QRICH1: variants seen among roughly 807,000 people sequenced by gnomAD.
QRICH1 encodes glutamine rich 1, also known as transcriptional regulator QRICH1.
In QRICH1, 16 loss-of-function variants were observed where a neutral mutation model predicts 87.1. The ratio of observed to expected loss-of-function variants is 0.18; its 90% CI spans 0.12 to 0.28. QRICH1 has a LOEUF of 0.28. QRICH1 is among the 10% of genes least tolerant of loss of function. The pLI is 1.00. For synonymous variants in QRICH1, 367 were observed against 368.4 expected, an observed-to-expected ratio of 1.00 and a Z score of 0.05; for missense variants, 647 against 951.7, an observed-to-expected ratio of 0.68 and a Z score of 4.21.
chr3:49,059,523 T>G (rs1197291693), intron 2 of QRICH1, among the ~76,000 whole-genome samples: 3 of 148,278 alleles, frequency 2.0e-5, no homozygotes, highest in Non-Finnish European at 4.5e-5. Context: ...GGGTTCAAGC[T>G]ATTCTCCTGC....
chr3:49,032,530 C>T, intron 8 of QRICH1, 92 bp downstream of exon 8: 1 of 1,436,788 alleles, frequency 7.0e-7, no homozygotes, highest in East Asian at 2.3e-5. Flanking sequence ...AAATCCCAAC[C>T]TTTACACTTA....
chr3:49,032,132 G>A (rs775217340), intron 9 of QRICH1, 51 bp downstream of exon 9: 20 of 1,375,564 alleles, frequency 1.5e-5, no homozygotes, highest in Non-Finnish European at 1.7e-5. Context: ...GCATGCACAC[G>A]CATACACACA....
chr3:49,047,671 C>T (rs1016184337), intron 3 of QRICH1, among the ~76,000 whole-genome samples: 18 of 151,890 alleles, frequency 1.2e-4, no homozygotes, highest in South Asian at 2.1e-4. Context: ...TTAGTCGAGA[C>T]GGAGTTTCGC....
intron 6 of QRICH1, among the ~76,000 whole-genome samples, chr3:49,040,589 T>C (rs998930876): frequency 1.3e-5 from 2 of 152,258 alleles, no homozygotes; most frequent in Non-Finnish European, 2.9e-5. Flanking sequence ...GGGCACATAG[T>C]AGGCACTCAA....
At chr3:49,086,254 T>C (rs2042164281) in intron 1 of QRICH1, among the ~76,000 whole-genome samples, 1 of 149,200 alleles carries the variant, frequency 6.7e-6, no homozygotes, top group Non-Finnish European at 1.5e-5. Flanking sequence ...TCCCTCTTTT[T>C]CTTTTTCTTT....
intron 6 of QRICH1, chr3:49,033,487 C>T (rs1341792690): frequency 6.4e-6 from 2 of 313,736 alleles, no homozygotes; most frequent in African/African-American, 2.1e-5. Context: ...ATTGTTGTTA[C>T]CCTCTAATCC....
intron 2 of QRICH1, among the ~76,000 whole-genome samples, chr3:49,072,188 G>A (rs935136494): frequency 2.6e-5 from 4 of 152,006 alleles, no homozygotes; most frequent in East Asian, 1.9e-4. Context: ...AAAATTAGTC[G>A]GGCGTGCTAG....
intron 3 of QRICH1, among the ~76,000 whole-genome samples, chr3:49,053,498 A>AAG (rs1553742898): frequency 1.3e-5 from 2 of 151,246 alleles, no homozygotes; most frequent in East Asian, 3.9e-4. Context: ...AAAAAAAAAA[A>AAG]AAAAAAACAA....
Position 49,093,947 on chromosome 3 carries a change from G to T in QRICH1, c.-57C>A. The T allele has an allele frequency of 2.6e-6, 1 of 389,718 alleles. No individual in the cohort carries two copies. Among genetic ancestry groups the T allele is most frequent in the Non-Finnish European group, 4.5e-6 (1 of 222,222 alleles). The allele number at this position is 389,718 out of a possible 1,614,324, so 24.1% of individuals were successfully genotyped here. On this transcript the variant is annotated 5_prime_UTR_variant, in exon 1 of 10. Transcript: ENST00000395443. ...CACTGCCGCCGCCGCCGCCGCCTCC[G>T]CTGCACCCGCCGGCCCCGCCGCACC...
At chr3:49,066,908 T>G (rs2106941338) in intron 2 of QRICH1, among the ~76,000 whole-genome samples, 1 of 151,684 alleles carries the variant, frequency 6.6e-6, no homozygotes, top group East Asian at 2.0e-4. Context: ...CGTGGTGGTG[T>G]GCACCTGTAA....
intron 2 of QRICH1, among the ~76,000 whole-genome samples, chr3:49,059,105 G>A (rs1295562603): frequency 3.3e-5 from 5 of 150,512 alleles, no homozygotes; most frequent in Admixed American, 1.3e-4. Flanking sequence ...GGGACTACAG[G>A]TGCCTGCCAC....
At chr3:49,081,140 G>T (rs1272302888) in intron 1 of QRICH1, among the ~76,000 whole-genome samples, 1 of 152,036 alleles carries the variant, frequency 6.6e-6, no homozygotes, top group East Asian at 1.9e-4. Context: ...GTATTGGCCA[G>T]GTGCGGTGGC....
At chr3:49,047,329 T>G in intron 3 of QRICH1, 83 bp from the exon 4 acceptor site, 1 of 1,272,612 alleles carries the variant, frequency 7.9e-7, no homozygotes, top group Non-Finnish European at 1.1e-6. Flanking sequence ...ATGTTATGTA[T>G]AGTTCATTTA....
chr3:49,093,645 A>AGC (rs1330050926), intron 1 of QRICH1: 5 of 168,124 alleles, frequency 3.0e-5, no homozygotes, highest in South Asian at 2.0e-4. Flanking sequence ...AGAGCCGCAC[A>AGC]GCGCGCGCGC....
At chr3:49,058,684 A>C (rs536497502) in intron 2 of QRICH1, among the ~76,000 whole-genome samples, 4 of 151,936 alleles carry the variant, frequency 2.6e-5, no homozygotes, top group Non-Finnish European at 5.9e-5. Flanking sequence ...GCTGGAGTGC[A>C]GTGGCATGAT....
At chr3:49,041,716 T>C (rs2093311363) in intron 6 of QRICH1, among the ~76,000 whole-genome samples, 1 of 151,844 alleles carries the variant, frequency 6.6e-6, no homozygotes, top group Non-Finnish European at 1.5e-5. Context: ...CTGCAACCTC[T>C]GCCTCCCTGG....
intron 6 of QRICH1, among the ~76,000 whole-genome samples, chr3:49,037,313 AAAG>A (rs1314642930): frequency 9.2e-5 from 14 of 152,354 alleles, no homozygotes; most frequent in African/African-American, 3.4e-4. Flanking sequence ...CATGGGGAAA[AAAG>A]AACATGTTAA....
chr3:49,052,967 T>C (rs1417333703), intron 3 of QRICH1, among the ~76,000 whole-genome samples: 1 of 152,200 alleles, frequency 6.6e-6, no homozygotes, highest in African/African-American at 2.4e-5. Context: ...GCAGATAGTA[T>C]CAGTGATTAT....
rs755427778 is a variant in QRICH1 at position 49,046,491 on chromosome 3, A to G, written c.1605T>C (p.Ala535=). 6.2e-7 allele frequency: 1 copy of G among 1,614,094 alleles called. No homozygotes were observed. ...NYGLCLMTRE[A]RNGEGEPYDP... is the part of the protein sequence containing the mutation. ...CATAGGGTTCACCTTCTCCATTTCG[A>G]GCTTCCCGTGTCATTAGACAGAGCC... The change falls in exon 5 of 10, where the codon GCT becomes GCC. Residue 535 remains alanine, a synonymous_variant. Coordinates refer to ENST00000395443, the MANE Select transcript of QRICH1 (RefSeq NM_198880.3).
Sources: allele counts gnomAD v4.1 joint callset (sites outside exome capture counted in the v4.1 genomes callset), GRCh38; gene constraint gnomAD v4.1.1; transcripts MANE v1.5; gene names NCBI Gene and HGNC (gene_info 2026-07-23, HGNC 2026-07-21).